L3MBTL4: variants seen among roughly 807,000 people sequenced by gnomAD.
The protein encoded by L3MBTL4 is L3MBTL histone methyl-lysine binding protein 4, also known as lethal(3)malignant brain tumor-like protein 4.
Under a neutral mutation model 84.5 loss-of-function variants are expected in L3MBTL4, and 70 were observed. That is an observed-to-expected ratio of 0.83 (90% CI 0.68 to 1.01). The LOEUF is 1.01. Among genes scored for constraint, L3MBTL4 ranks in the 50% least tolerant of loss-of-function variants. The probability of loss-of-function intolerance (pLI) is 0.00; values close to 1 mark genes in which losing one functional copy is unlikely to be tolerated. For synonymous variants in L3MBTL4, 274 were observed against 259.8 expected, an observed-to-expected ratio of 1.05 and a Z score of -0.52; for missense variants, 715 against 754.8, an observed-to-expected ratio of 0.95 and a Z score of 0.62.
intron 10 of L3MBTL4, among the ~76,000 whole-genome samples, chr18:6,225,544 GA>G (rs2046745447): frequency 6.6e-6 from 1 of 152,146 alleles, no homozygotes; most frequent in Admixed American, 6.5e-5. Context: ...TGGATAGGTT[GA>G]GCTCAGGTGT....
At chr18:5,958,056 GAGAAGGAGAAGAAGA>G (rs1567911026) in intron 18 of L3MBTL4, among the ~76,000 whole-genome samples, 42 of 130,446 alleles carry the variant, frequency 3.2e-4, no homozygotes, top group African/African-American at 1.2e-3. Flanking sequence ...GAAGGAGAAG[GAGAAGGAGAAGAAGA>G]AGAAGAAGAA....
At chr18:6,207,836 C>T (rs1205540575) in intron 12 of L3MBTL4, among the ~76,000 whole-genome samples, 1 of 151,964 alleles carries the variant, frequency 6.6e-6, no homozygotes, top group Admixed American at 6.6e-5. Flanking sequence ...CCAGGTGCGA[C>T]GTCTCACACC....
chr18:6,286,253 C>T (rs188400115), intron 4 of L3MBTL4, among the ~76,000 whole-genome samples: 91 of 152,030 alleles, frequency 6.0e-4, no homozygotes, highest in Middle Eastern at 6.8e-3. Flanking sequence ...GACTTGAGGT[C>T]TGGAGTTTGA....
chr18:6,195,963 G>C (rs573810745), intron 12 of L3MBTL4, among the ~76,000 whole-genome samples: 1 of 151,786 alleles, frequency 6.6e-6, no homozygotes, highest in Non-Finnish European at 1.5e-5. Flanking sequence ...AGCTCCCTTC[G>C]CCCTAGCCCT....
intron 3 of L3MBTL4, among the ~76,000 whole-genome samples, chr18:6,308,447 T>C (rs1018619870): frequency 6.6e-6 from 1 of 152,174 alleles, no homozygotes; most frequent in Non-Finnish European, 1.5e-5. Context: ...TACCTATGAA[T>C]GAACTGCAAA....
intron 1 of L3MBTL4, among the ~76,000 whole-genome samples, chr18:6,387,351 AC>A (rs2054867308): frequency 6.6e-6 from 1 of 152,210 alleles, no homozygotes; most frequent in Non-Finnish European, 1.5e-5. Flanking sequence ...CTACAATCTT[AC>A]CAGTCTTCCC....
rs191589425 is a variant in L3MBTL4, at chr18:6,350,963, G to A, written c.-90-38907C>T. Among the ~76,000 whole-genome samples the A allele has an allele frequency of 3.5e-3, 527 of 152,254 alleles. 7 individuals are homozygous for A. Among genetic ancestry groups the A allele is most frequent in the Non-Finnish European group, 3.6e-3 (247 of 68,026 alleles). ...TCCCAGCACTTTGGGAGGCTAAAGC[G>A]GACAGATCACCTGAGGTCAGGAGTT... On this transcript the variant is annotated intron_variant, in intron 1 of 18. Transcript: ENST00000317931.
chr18:6,380,393 T>C (rs2054549158), intron 1 of L3MBTL4, among the ~76,000 whole-genome samples: 1 of 152,242 alleles, frequency 6.6e-6, no homozygotes, highest in Non-Finnish European at 1.5e-5. Flanking sequence ...TCTCTAGTTC[T>C]TTTAATTTTG....
chr18:6,314,793 T>C (rs1437564325), intron 1 of L3MBTL4, among the ~76,000 whole-genome samples: 1 of 152,198 alleles, frequency 6.6e-6, no homozygotes, highest in Non-Finnish European at 1.5e-5. Context: ...CAAGGTGCTA[T>C]TTGGTAATTC....
chr18:6,287,772 T>G (rs963299523), intron 4 of L3MBTL4, among the ~76,000 whole-genome samples: 2 of 152,250 alleles, frequency 1.3e-5, no homozygotes, highest in Non-Finnish European at 2.9e-5. Flanking sequence ...TACAGGATAT[T>G]GGTATCGGAT....
intron 5 of L3MBTL4, among the ~76,000 whole-genome samples, chr18:6,246,970 T>G (rs1170201518): frequency 6.6e-6 from 1 of 152,098 alleles, no homozygotes; most frequent in East Asian, 1.9e-4. Flanking sequence ...AGAGAGCACA[T>G]GCATAGATAG....
At chr18:5,991,917 C>T (rs606966) in intron 16 of L3MBTL4, among the ~76,000 whole-genome samples, 88,310 of 151,352 alleles carry the variant, frequency 0.58, 26,911 homozygotes, top group East Asian at 0.89. Flanking sequence ...CTTCCCCCAA[C>T]TCTCACCGAG....
intron 16 of L3MBTL4, among the ~76,000 whole-genome samples, chr18:6,062,858 G>T (rs149994405): frequency 1.1e-3 from 159 of 150,718 alleles, no homozygotes; most frequent in African/African-American, 3.7e-3. Flanking sequence ...CAATAGTTTT[G>T]GGGATACAGG....
intron 13 of L3MBTL4, among the ~76,000 whole-genome samples, chr18:6,169,445 A>G (rs1156537609): frequency 6.6e-6 from 1 of 152,182 alleles, no homozygotes. Flanking sequence ...TCCAACAATG[A>G]TAGACTGCAT....
At chr18:6,000,445 G>A (rs634203) in intron 16 of L3MBTL4, among the ~76,000 whole-genome samples, 2 of 152,086 alleles carry the variant, frequency 1.3e-5, no homozygotes. Context: ...CAGAAAGGGA[G>A]AATGGACCTT....
intron 12 of L3MBTL4, among the ~76,000 whole-genome samples, chr18:6,181,499 T>C (rs1248069323): frequency 2.0e-5 from 3 of 151,222 alleles, no homozygotes; most frequent in Non-Finnish European, 2.9e-5. Flanking sequence ...CTAATTTTTC[T>C]TTGTATTTTT....
rs1469553410 is a variant in L3MBTL4 at position 6,243,305 on chromosome 18, T to A, written c.449A>T (p.His150Leu). The A allele has an allele frequency of 6.3e-7, 1 of 1,589,158 alleles. No homozygotes were observed. Among genetic ancestry groups the A allele is most frequent in the South Asian group, 1.2e-5 (1 of 84,412 alleles). ...GTATCCTGGCTTACCCTTAGGGATG[T>A]GCAGTTCATGTTTGGTCTTTTCACA... ...GWCEKTKHEL[H>L]IPKGYRKDKF... Residue 150 changes from histidine to leucine, a missense_variant, in exon 7 of 19, where the codon CAC (histidine) becomes CTC (leucine). Transcript: ENST00000317931.
chr18:6,379,712 G>A (rs2054518348), intron 1 of L3MBTL4, among the ~76,000 whole-genome samples: 1 of 152,076 alleles, frequency 6.6e-6, no homozygotes, highest in Admixed American at 6.6e-5. Context: ...TGCAGGATTC[G>A]TTTTGCCAGT....
intron 10 of L3MBTL4, among the ~76,000 whole-genome samples, chr18:6,217,499 T>G (rs181552701): frequency 6.6e-6 from 1 of 152,368 alleles, no homozygotes; most frequent in Non-Finnish European, 1.5e-5. Flanking sequence ...TATGTGAGTA[T>G]TTCACAATTT....
Sources: gnomAD v4.1 joint callset for allele counts (sites outside exome capture counted in the v4.1 genomes callset) on GRCh38, gnomAD v4.1.1 for gene constraint, MANE v1.5 for transcripts, NCBI Gene and HGNC (gene_info 2026-07-23, HGNC 2026-07-21) for gene names.